The following TIAM1 variants were observed in gnomAD, a reference collection of about 807,000 sequenced individuals.
TIAM1 encodes the protein TIAM Rac1 associated GEF 1.
In TIAM1, 65 loss-of-function variants were observed where a neutral mutation model predicts 163.5. The observed-to-expected ratio is 0.40, with a 90% confidence interval of 0.33 to 0.49. The LOEUF (loss-of-function observed/expected upper bound fraction) is 0.49. TIAM1 is among the 20% of genes least tolerant of loss of function. TIAM1 has a pLI of 0.77. For missense variants in TIAM1, 1,789 were observed against 2,044.7 expected, an observed-to-expected ratio of 0.87 and a Z score of 2.41; for synonymous variants, 833 against 810.1, an observed-to-expected ratio of 1.03 and a Z score of -0.48.
At chr21:31,146,482 G>A (rs1266390299) in intron 20 of TIAM1, among the ~76,000 whole-genome samples, 5 of 151,152 alleles carry the variant, frequency 3.3e-5, no homozygotes, top group Non-Finnish European at 7.4e-5. Flanking sequence ...AGGTCGAGGC[G>A]GGTGGATCAC....
intron 2 of TIAM1, among the ~76,000 whole-genome samples, chr21:31,459,530 T>G (rs1340540283): frequency 1.3e-5 from 2 of 152,156 alleles, no homozygotes; most frequent in Non-Finnish European, 2.9e-5. Flanking sequence ...AAAAGCTATT[T>G]CAAAAGAAGA....
chr21:31,127,362 A>G (rs2082239843), intron 25 of TIAM1, among the ~76,000 whole-genome samples: 1 of 152,144 alleles, frequency 6.6e-6, no homozygotes, highest in African/African-American at 2.4e-5. Context: ...GAAAATTTCC[A>G]GTTGGTAAAA....
intron 7 of TIAM1, among the ~76,000 whole-genome samples, chr21:31,225,037 T>G (rs1041822): frequency 0.049 from 7,511 of 152,042 alleles, 578 homozygotes; most frequent in African/African-American, 0.16. Flanking sequence ...TCTATATATA[T>G]AGAGAGAGAG....
chr21:31,251,983 C>A lies in TIAM1; in HGVS notation c.1170G>T (p.Glu390Asp). ...RQGVYENFRRELEMSTTNSES... is the reference protein window; with the variant it reads ...RQGVYENFRRDLEMSTTNSES... Reference sequence around the variant, plus strand: ...CGCTGTTGGTGGTGCTCATCTCCAGCTCCCGCCGGAAGTTCTCGTACACCC... The same window carrying A: ...CGCTGTTGGTGGTGCTCATCTCCAGATCCCGCCGGAAGTTCTCGTACACCC... The change falls in exon 5 of 28, where the codon GAG becomes GAT. Residue 390 changes from glutamate to aspartate, a missense_variant. This residue lies in a region of TIAM1 where 555 missense variants were observed against 564.9 expected (regional missense o/e 0.98). Coordinates refer to ENST00000541036, the MANE Select transcript of TIAM1 (RefSeq NM_001353694.2). The A allele has an allele frequency of 6.2e-7, 1 of 1,613,978 alleles. No individual in the cohort carries two copies. The highest frequency in any genetic ancestry group is 1.1e-5 in the South Asian group (1 of 91,078).
At chr21:31,340,531 G>A (rs2075981766) in intron 1 of TIAM1, among the ~76,000 whole-genome samples, 1 of 152,100 alleles carries the variant, frequency 6.6e-6, no homozygotes, top group African/African-American at 2.4e-5. Context: ...TTCTTTTCCT[G>A]TTTTAATTTA....
At chr21:31,213,365 C>T (rs2086991144) in intron 10 of TIAM1, 33 bp downstream of exon 10, 2 of 1,586,844 alleles carry the variant, frequency 1.3e-6, no homozygotes, top group Non-Finnish European at 1.7e-6. Flanking sequence ...ACTTGTGGTA[C>T]TTTTAGAAAA....
intron 6 of TIAM1, among the ~76,000 whole-genome samples, chr21:31,240,625 G>A (rs1012035715): frequency 2.6e-5 from 4 of 152,142 alleles, no homozygotes; most frequent in South Asian, 2.1e-4. Flanking sequence ...ACCTCTTCAC[G>A]AGCTTGTTGC....
At chr21:31,463,461 C>G (rs1941560522) in intron 2 of TIAM1, among the ~76,000 whole-genome samples, 1 of 152,154 alleles carries the variant, frequency 6.6e-6, no homozygotes, top group Non-Finnish European at 1.5e-5. Flanking sequence ...TCACTGTCAC[C>G]TCCTAATTGG....
At chr21:31,181,486 G>A (rs2085010406) in intron 15 of TIAM1, among the ~76,000 whole-genome samples, 1 of 151,754 alleles carries the variant, frequency 6.6e-6, no homozygotes, top group Non-Finnish European at 1.5e-5. Flanking sequence ...GTTGCCAGAA[G>A]GAGCGGGGAG....
chr21:31,189,280 C>T (rs372254998), intron 13 of TIAM1, among the ~76,000 whole-genome samples: 5 of 152,006 alleles, frequency 3.3e-5, no homozygotes, highest in African/African-American at 4.8e-5. Flanking sequence ...GTCTCAAACT[C>T]CTGACTTCAA....
chr21:31,154,208 G>A (rs751324997), intron 17 of TIAM1, 39 bp downstream of exon 17: 14 of 1,599,674 alleles, frequency 8.8e-6, no homozygotes, highest in Admixed American at 1.7e-5. Context: ...ACTCCTTTAC[G>A]AGGCAGAGGG....
Position 31,160,324 on chromosome 21 carries a change from C to T in TIAM1, c.2991+4638G>A, listed in dbSNP as rs201522092. The T allele has an allele frequency of 1.8e-5, 7 of 396,890 alleles. No individual in the cohort carries two copies. The East Asian group carries it at 2.5e-4, about 14-fold the overall frequency. The allele number at this position is 396,890 out of a possible 1,614,324, so 24.6% of individuals were successfully genotyped here. On this transcript the variant is annotated intron_variant, in intron 16 of 27. Coordinates refer to ENST00000541036, the MANE Select transcript of TIAM1 (RefSeq NM_001353694.2). ...CAAGGGTATCCAGAGGGTAAAAGGA[C>T]AGAATACGGGGAAATGGGAAAGGTG... is the stretch of plus-strand genomic sequence containing the variant.
At chr21:31,463,971 T>C (rs2045430263) in intron 2 of TIAM1, 1 of 152,150 alleles carries the variant, frequency 6.6e-6, no homozygotes, top group Non-Finnish European at 1.5e-5. Flanking sequence ...TATGAAAGTG[T>C]AAACTGCTCA....
At chr21:31,238,839 TTTGAG>T (rs2071025320) in intron 6 of TIAM1, among the ~76,000 whole-genome samples, 1 of 152,156 alleles carries the variant, frequency 6.6e-6, no homozygotes, top group Non-Finnish European at 1.5e-5. Context: ...ATAGGCTTGA[TTTGAG>T]TTGAGTTTGG....
At chr21:31,376,856 C>CTTTAT (rs556773719) in intron 2 of TIAM1, among the ~76,000 whole-genome samples, 2 of 151,496 alleles carry the variant, frequency 1.3e-5, no homozygotes, top group Non-Finnish European at 2.9e-5. Flanking sequence ...GGAATTTTTA[C>CTTTAT]TTTATTTTAT....
At chr21:31,183,894 C>T (rs1171768687) in intron 14 of TIAM1, among the ~76,000 whole-genome samples, 1 of 151,552 alleles carries the variant, frequency 6.6e-6, no homozygotes, top group Non-Finnish European at 1.5e-5. Context: ...GGGGTTTCAC[C>T]ATGTTGGCCA....
chr21:31,378,276 A>G (rs2076723062), intron 2 of TIAM1, among the ~76,000 whole-genome samples: 1 of 152,178 alleles, frequency 6.6e-6, no homozygotes, highest in East Asian at 1.9e-4. Flanking sequence ...CTAGATAGGT[A>G]ACATTACTGT....
At position 31,120,948 on chromosome 21, in the gene TIAM1, A is replaced by G; in HGVS notation, c.4307-111T>C. ...ATAAAAACCAAAACGGTATGCATTG[A>G]ATGCCTTGATGTCTTTTGGGGCTTA... On this transcript the variant is annotated intron_variant, in intron 27 of 27. Coordinates refer to ENST00000541036, the MANE Select transcript of TIAM1 (RefSeq NM_001353694.2). This position sits in a 1 kb window ranked among gnomAD's most constrained non-coding sequence, Gnocchi z 4.2. 1 of 993,774 alleles carries G rather than the reference A, an allele frequency of 1.0e-6. No homozygotes were observed. The highest frequency in any genetic ancestry group is 1.4e-6 in the Non-Finnish European group (1 of 693,090). 61.6% of individuals were successfully genotyped at this position (993,774 alleles called of 1,614,324 possible). A position where few individuals can be genotyped will look rare whatever the true frequency, so the allele number is the denominator to read the frequency against.
At chr21:31,369,727 T>C (rs1332658808) in intron 2 of TIAM1, among the ~76,000 whole-genome samples, 1 of 152,134 alleles carries the variant, frequency 6.6e-6, no homozygotes, top group Admixed American at 6.5e-5. Context: ...GAAAAATACA[T>C]TTAAAAGAAG....
Sources: allele counts gnomAD v4.1 joint callset (sites outside exome capture counted in the v4.1 genomes callset), GRCh38; gene constraint gnomAD v4.1.1; regional missense constraint gnomAD v4.1.1; non-coding constraint Gnocchi (gnomAD v3.1); transcripts MANE v1.5; gene names NCBI Gene and HGNC (gene_info 2026-07-23, HGNC 2026-07-21).